Variants in PHAF1 observed in about 807,000 individuals in gnomAD.
PHAF1 encodes phagosome assembly factor 1.
PHAF1 carries 23 observed loss-of-function variants against 63.1 expected under a neutral mutation model. The ratio of observed to expected loss-of-function variants is 0.36; its 90% CI spans 0.26 to 0.52. The LOEUF is 0.52. Among genes scored for constraint, PHAF1 ranks in the 20% least tolerant of loss-of-function variants. The pLI is 0.93. For missense variants in PHAF1, 427 were observed against 517.2 expected (o/e 0.83, Z 1.69); for synonymous variants, 167 against 185.0 (o/e 0.90, Z 0.79).
chr16:67,146,863 A>G (rs1316664054), intron 15 of PHAF1, among the ~76,000 whole-genome samples, 182 bp from the exon 16 acceptor site: 1 of 152,162 alleles, frequency 6.6e-6, no homozygotes, highest in Non-Finnish European at 1.5e-5. Flanking sequence ...GTGTGTAACC[A>G]TTGAGAAACA....
intron 3 of PHAF1, among the ~76,000 whole-genome samples, chr16:67,128,016 T>C (rs1963255821): frequency 1.3e-5 from 2 of 152,146 alleles, no homozygotes; most frequent in African/African-American, 4.8e-5. Flanking sequence ...GTGAAGACAA[T>C]GTCATATGTT....
rs1212129552 is a variant in PHAF1, at chr16:67,134,180, C to T, written c.463C>T (p.His155Tyr). The part of the protein sequence containing the change: ...EAPKYEPNFA[H>Y]GLASLQIPHG... ...CCTTTGTTTGCAGCCCAATTTTGCCCATGGCCTGGCTTCTCTCCAGATACC... is the reference window on the plus strand; with the variant it reads ...CCTTTGTTTGCAGCCCAATTTTGCCTATGGCCTGGCTTCTCTCCAGATACC... Residue 155 changes from histidine to tyrosine, a missense_variant, in exon 7 of 16, where the codon CAT becomes TAT. By Grantham distance (83) the His-to-Tyr change is moderately conservative. Coordinates refer to ENST00000219139, the MANE Select transcript of PHAF1 (RefSeq NM_025187.5). The T allele has an allele frequency of 6.2e-7, 1 of 1,613,976 alleles. No individual in the cohort carries two copies. The highest frequency in any genetic ancestry group is 1.1e-5 in the South Asian group (1 of 91,076).
intron 3 of PHAF1, among the ~76,000 whole-genome samples, chr16:67,127,071 T>C (rs1963221746): frequency 6.6e-6 from 1 of 151,940 alleles, no homozygotes; most frequent in South Asian, 2.1e-4. Flanking sequence ...TGTTTCACCA[T>C]GTTGGCCAGG....
rs1962456451 is a variant in PHAF1 at position 67,110,256 on chromosome 16, C to T, written c.64+17C>T. ...TCACGCTGGGTGAGTTTGGGGTCCTCTGTCAGGACCCCATTCGCTGATCCT... is the reference window on the plus strand; with the variant it reads ...TCACGCTGGGTGAGTTTGGGGTCCTTTGTCAGGACCCCATTCGCTGATCCT... On this transcript the variant is annotated intron_variant, in intron 1 of 15. Transcript: ENST00000219139. 1 of 1,550,852 alleles carries T rather than the reference C, an allele frequency of 6.4e-7. No homozygotes were observed. Among genetic ancestry groups the T allele is most frequent in the South Asian group, 1.2e-5 (1 of 84,054 alleles).
At chr16:67,118,248 C>T (rs1297923948) in intron 1 of PHAF1, among the ~76,000 whole-genome samples, 7 of 147,376 alleles carry the variant, frequency 4.7e-5, no homozygotes, top group South Asian at 2.2e-4. Context: ...GCTGGGATTA[C>T]GGACGTGAGC....
intron 2 of PHAF1, among the ~76,000 whole-genome samples, chr16:67,120,425 T>C (rs973732227): frequency 1.3e-5 from 2 of 152,024 alleles, no homozygotes; most frequent in African/African-American, 4.8e-5. Flanking sequence ...TTGTTTTGTC[T>C]GTGCTCAACT....
chr16:67,110,662 G>A (rs1256981734), intron 1 of PHAF1, among the ~76,000 whole-genome samples: 1 of 152,164 alleles, frequency 6.6e-6, no homozygotes, highest in Non-Finnish European at 1.5e-5. Context: ...GTGGCCTGTG[G>A]TCTGTCTCCC....
At chr16:67,118,638 T>C (rs1180752955) in intron 1 of PHAF1, among the ~76,000 whole-genome samples, 3 of 151,876 alleles carry the variant, frequency 2.0e-5, no homozygotes, top group Admixed American at 6.6e-5. Context: ...CCTGGCCCCT[T>C]GTCGCTATTT....
intron 2 of PHAF1, among the ~76,000 whole-genome samples, chr16:67,122,066 T>A (rs184972374): frequency 4.4e-4 from 67 of 151,546 alleles, no homozygotes; most frequent in African/African-American, 1.5e-3. Flanking sequence ...CCTGGCTAAT[T>A]TATTTTTATA....
At chr16:67,134,627 G>A in intron 8 of PHAF1, 160 bp downstream of exon 8, 1 of 733,050 alleles carries the variant, frequency 1.4e-6, no homozygotes, top group South Asian at 1.4e-5. Context: ...ATTTCTTGCA[G>A]TTCTGGAGGC....
chr16:67,144,459 T>C, intron 11 of PHAF1, 83 bp downstream of exon 11: 2 of 991,172 alleles, frequency 2.0e-6, no homozygotes, highest in Non-Finnish European at 3.2e-6. Flanking sequence ...GCTTTGGGTG[T>C]TCACTAATTT....
chr16:67,120,163 T>C lies in PHAF1; in HGVS notation c.116T>C (p.Ile39Thr). Reference sequence around the variant, plus strand: ...ATTCTTCAGAAGCACTGTCGCATCATCAAAAACGTCCAGGTTCTCTACAGT... The same window carrying C: ...ATTCTTCAGAAGCACTGTCGCATCACCAAAAACGTCCAGGTTCTCTACAGT... Reference protein sequence around the residue: ...VAILQKHCRIIKNVQVLYSEQ... With the variant: ...VAILQKHCRITKNVQVLYSEQ... The change falls in exon 2 of 16, where the codon ATC becomes ACC. Residue 39 changes from isoleucine to threonine, a missense_variant. Coordinates refer to ENST00000219139, the MANE Select transcript of PHAF1 (RefSeq NM_025187.5). The C allele has an allele frequency of 6.2e-7, 1 of 1,613,374 alleles. No homozygotes were observed. Among genetic ancestry groups the C allele is most frequent in the Non-Finnish European group, 8.5e-7 (1 of 1,179,606 alleles).
In PHAF1 at chr16:67,132,463, C is replaced by G. The variant is rs776122798; in HGVS notation, c.293C>G (p.Ser98Cys). ...KLKYCGVHFN[S>C]QAIAPTIEQI... Reference sequence around the variant, plus strand: ...TTTTTCAGTGGCGTGCATTTTAATTCTCAGGCCATAGCTCCTACCATTGAA... The same window carrying G: ...TTTTTCAGTGGCGTGCATTTTAATTGTCAGGCCATAGCTCCTACCATTGAA... Residue 98 changes from serine to cysteine, a missense_variant, in exon 5 of 16, where the codon TCT (serine) becomes TGT (cysteine). Ser to Cys is a moderately radical substitution (Grantham distance 112). Transcript: ENST00000219139. The G allele has an allele frequency of 1.2e-6, 2 of 1,604,650 alleles. No individual in the cohort carries two copies. Among genetic ancestry groups the G allele is most frequent in the East Asian group, 4.5e-5 (2 of 44,664 alleles).
At chr16:67,117,198 AATT>A (rs1962770297) in intron 1 of PHAF1, among the ~76,000 whole-genome samples, 1 of 122,582 alleles carries the variant, frequency 8.2e-6, no homozygotes, top group African/African-American at 4.9e-5. Flanking sequence ...ATGCCCAGCT[AATT>A]TTTTTTTTTT....
Position 67,145,500 on chromosome 16 carries a change from T to C in PHAF1, c.1051-70T>C, listed in dbSNP as rs142233266. On this transcript the variant is annotated intron_variant, in intron 13 of 15. Coordinates refer to ENST00000219139, the MANE Select transcript of PHAF1 (RefSeq NM_025187.5). ...GCAGGCAGTATGGGGCTGTGTCCTC[T>C]AGGCCAGCCATTGGTCACAGACATG... 14,800 of 1,612,214 alleles carry C rather than the reference T, an allele frequency of 9.2e-3. 79 individuals are homozygous for C. The highest frequency in any genetic ancestry group is 0.01 in the Non-Finnish European group (12,249 of 1,178,272).
At position 67,131,347 on chromosome 16, in the gene PHAF1, C is replaced by G; in HGVS notation, c.275+18C>G. 1 of 1,554,476 alleles carries G rather than the reference C, an allele frequency of 6.4e-7. No homozygotes were observed. The highest frequency in any genetic ancestry group is 8.8e-7 in the Non-Finnish European group (1 of 1,136,594). ...AAATATTGGTAAGTTTTCTCCCCTG[C>G]TGGTATATGTCACACTTGGTATAGA... On this transcript the variant is annotated intron_variant, in intron 4 of 15. Transcript: ENST00000219139.
chr16:67,134,500 G>T lies in PHAF1; in HGVS notation c.661+33G>T, dbSNP rs369353129. 7 of 1,514,298 alleles carry T rather than the reference G, an allele frequency of 4.6e-6. No individual in the cohort carries two copies. In the South Asian group the frequency reaches 6.8e-5, roughly 15 times the overall value. The allele number at this position is 1,514,298 out of a possible 1,614,324, so 93.8% of individuals were successfully genotyped here. A position where few individuals can be genotyped will look rare whatever the true frequency, so the allele number is the denominator to read the frequency against. ...ACTGGCTTTGAGGTTGGTACATTCC[G>T]CATTATACCCATGTTGAGACAGTCT... On this transcript the variant is annotated intron_variant, in intron 8 of 15. Coordinates refer to ENST00000219139, the MANE Select transcript of PHAF1 (RefSeq NM_025187.5).
At chr16:67,126,381 T>A (rs1963189145) in intron 3 of PHAF1, among the ~76,000 whole-genome samples, 1 of 152,172 alleles carries the variant, frequency 6.6e-6, no homozygotes, top group African/African-American at 2.4e-5. Context: ...CATTCTTTTG[T>A]CAAACACTGT....
chr16:67,137,519 A>G (rs1286051477), intron 8 of PHAF1, among the ~76,000 whole-genome samples: 1 of 152,062 alleles, frequency 6.6e-6, no homozygotes, highest in Admixed American at 6.6e-5. Flanking sequence ...GGGTTTCACC[A>G]TATTGACCAG....
Sources: gnomAD v4.1 joint callset for allele counts (sites outside exome capture counted in the v4.1 genomes callset) on GRCh38, gnomAD v4.1.1 for gene constraint, MANE v1.5 for transcripts, NCBI Gene and HGNC (gene_info 2026-07-23, HGNC 2026-07-21) for gene names.